CTIF: variants seen among roughly 807,000 people sequenced by gnomAD.
CTIF encodes the protein cap binding complex dependent translation initiation factor.
CTIF carries 21 observed loss-of-function variants against 66.0 expected under a neutral mutation model. The ratio of observed to expected loss-of-function variants is 0.32; its 90% CI spans 0.23 to 0.46. The LOEUF (loss-of-function observed/expected upper bound fraction) is 0.46, where lower values mean the gene tolerates loss of function less well. Ranked by LOEUF, CTIF falls within the 20% of genes least tolerant of loss-of-function variation. CTIF has a pLI of 1.00. For missense variants in CTIF, 739 were observed against 812.7 expected, an observed-to-expected ratio of 0.91 and a Z score of 1.10; for synonymous variants, 345 against 326.4, an observed-to-expected ratio of 1.06 and a Z score of -0.62.
chr18:48,769,914 G>A (rs926917082), intron 9 of CTIF, among the ~76,000 whole-genome samples: 1 of 152,276 alleles, frequency 6.6e-6, no homozygotes, highest in African/African-American at 2.4e-5. Context: ...CTTAAGCATT[G>A]CATTCAAGGA....
chr18:48,697,673 C>T (rs1165388694), intron 6 of CTIF, among the ~76,000 whole-genome samples: 2 of 152,258 alleles, frequency 1.3e-5, no homozygotes, highest in East Asian at 1.9e-4. Flanking sequence ...GCCCAGTGCT[C>T]CTTCTGCTGC....
At chr18:48,572,979 C>A (rs1323603499) in intron 1 of CTIF, among the ~76,000 whole-genome samples, 1 of 151,948 alleles carries the variant, frequency 6.6e-6, no homozygotes, top group African/African-American at 2.4e-5. Flanking sequence ...GGCAAAAGAG[C>A]AAGACCCTGT....
At chr18:48,824,436 C>T (rs924973935) in intron 10 of CTIF, among the ~76,000 whole-genome samples, 3 of 152,114 alleles carry the variant, frequency 2.0e-5, no homozygotes, top group Non-Finnish European at 2.9e-5. Context: ...GTGGGTCTGG[C>T]TTGTCTAGAG....
At chr18:48,858,080 C>G (rs896522260) in intron 11 of CTIF, among the ~76,000 whole-genome samples, 1 of 152,252 alleles carries the variant, frequency 6.6e-6, no homozygotes, top group East Asian at 1.9e-4. Context: ...AAGCTGTGGC[C>G]CCTGCTAATG....
chr18:48,717,134 C>T lies in CTIF; in HGVS notation c.584+5439C>T, dbSNP rs1314433995. Among the ~76,000 whole-genome samples, 10 of 152,300 alleles carry T rather than the reference C, an allele frequency of 6.6e-5. No individual in the cohort carries two copies. In the East Asian group the frequency reaches 1.7e-3, roughly 26 times the overall value. The stretch of plus-strand genomic sequence containing the variant: ...AATTTTGGGGCCGGGCGTGGAGGCT[C>T]ATGCCTATAATCCCAGCACTTTGGG... On this transcript the variant is annotated intron_variant, in intron 7 of 11. Coordinates refer to ENST00000256413, the MANE Select transcript of CTIF (RefSeq NM_014772.3).
chr18:48,566,248 C>T (rs1005611579), intron 1 of CTIF: 1 of 149,852 alleles, frequency 6.7e-6, no homozygotes. Context: ...GGGAGTCATT[C>T]ATTCATTCAT....
chr18:48,730,807 G>A (rs565040175), intron 7 of CTIF, among the ~76,000 whole-genome samples: 9 of 149,752 alleles, frequency 6.0e-5, no homozygotes, highest in Admixed American at 6.0e-4. Context: ...GGTGTGAGGG[G>A]CCTCTGGCAG....
At chr18:48,655,781 A>T (rs1037391978) in intron 3 of CTIF, among the ~76,000 whole-genome samples, 3 of 152,132 alleles carry the variant, frequency 2.0e-5, no homozygotes, top group Non-Finnish European at 4.4e-5. Context: ...CTCTAGGGGA[A>T]ACTTCCCCCA....
At chr18:48,650,212 A>G (rs2091129583) in intron 3 of CTIF, among the ~76,000 whole-genome samples, 1 of 152,240 alleles carries the variant, frequency 6.6e-6, no homozygotes, top group South Asian at 2.1e-4. Flanking sequence ...AACCCATCAT[A>G]AGGAAGCTAA....
chr18:48,800,418 C>A (rs186712196), intron 9 of CTIF, among the ~76,000 whole-genome samples: 1 of 152,314 alleles, frequency 6.6e-6, no homozygotes, highest in Non-Finnish European at 1.5e-5. Flanking sequence ...GGAACATCTG[C>A]CCCCATCTCC....
intron 6 of CTIF, among the ~76,000 whole-genome samples, chr18:48,697,863 G>A (rs2092029200): frequency 6.6e-6 from 1 of 151,760 alleles, no homozygotes; most frequent in South Asian, 2.1e-4. Flanking sequence ...CTGTTGGGAG[G>A]CTGTGATGCA....
At position 48,847,838 on chromosome 18, in the gene CTIF, C is replaced by G. The variant is rs77972375; in HGVS notation, c.1528-9750C>G. On this transcript the variant is annotated intron_variant, in intron 10 of 11. Coordinates refer to ENST00000256413, the MANE Select transcript of CTIF (RefSeq NM_014772.3). ...GGTCTTCTGACTCCAAGCCTGATGC[C>G]CATTTTTGATGATAGCCTTTCTTGG... 1.1e-4 allele frequency among the ~76,000 whole-genome samples: 17 copies of G among 152,272 alleles called. No individual in the cohort carries two copies. In the East Asian group the frequency reaches 1.2e-3, roughly 10 times the overall value.
chr18:48,709,857 A>G (rs2092204268), intron 6 of CTIF, among the ~76,000 whole-genome samples: 1 of 152,264 alleles, frequency 6.6e-6, no homozygotes, highest in Non-Finnish European at 1.5e-5. Context: ...GAATTCATTC[A>G]TGCTTTCTTG....
chr18:48,762,095 A>G (rs1158184398), intron 9 of CTIF, among the ~76,000 whole-genome samples: 1 of 152,164 alleles, frequency 6.6e-6, no homozygotes, highest in Non-Finnish European at 1.5e-5. Flanking sequence ...AGACCTTTGC[A>G]GATATGCAGT....
intron 9 of CTIF, among the ~76,000 whole-genome samples, chr18:48,812,774 A>G (rs1375734336): frequency 2.0e-5 from 3 of 151,992 alleles, no homozygotes; most frequent in African/African-American, 7.2e-5. Context: ...AAAAAAATGA[A>G]AAAAGAAAAG....
chr18:48,793,145 G>A (rs2067830469), intron 9 of CTIF, among the ~76,000 whole-genome samples: 1 of 152,148 alleles, frequency 6.6e-6, no homozygotes, highest in Non-Finnish European at 1.5e-5. Flanking sequence ...CAGGAGAGAG[G>A]CTTCAGCCTC....
At chr18:48,724,524 CTCTGAT>C (rs2092369140) in intron 7 of CTIF, among the ~76,000 whole-genome samples, 1 of 152,214 alleles carries the variant, frequency 6.6e-6, no homozygotes, top group Admixed American at 6.5e-5. Flanking sequence ...TGCTGGCCTC[CTCTGAT>C]TCTGCAGGTT....
At chr18:48,568,668 A>G (rs928079556) in intron 1 of CTIF, among the ~76,000 whole-genome samples, 3 of 137,084 alleles carry the variant, frequency 2.2e-5, no homozygotes, top group African/African-American at 9.1e-5. Flanking sequence ...AAAAAAAAAA[A>G]GAGGTTTAAT....
intron 1 of CTIF, among the ~76,000 whole-genome samples, chr18:48,596,928 A>AT (rs1350157957): frequency 1.3e-5 from 2 of 152,132 alleles, no homozygotes; most frequent in African/African-American, 2.4e-5. Context: ...GAGAGAATGG[A>AT]TTTTCCAGAT....
Sources: gnomAD v4.1 joint callset for allele counts (sites outside exome capture counted in the v4.1 genomes callset) on GRCh38, gnomAD v4.1.1 for gene constraint, MANE v1.5 for transcripts, NCBI Gene and HGNC (gene_info 2026-07-23, HGNC 2026-07-21) for gene names.